The following SCLT1 variants were observed in gnomAD, a reference collection of about 807,000 sequenced individuals.
The protein encoded by SCLT1 is sodium channel and clathrin linker 1.
A neutral mutation model predicts 112.8 loss-of-function variants in SCLT1; 78 were observed. The ratio of observed to expected loss-of-function variants is 0.69; its 90% CI spans 0.58 to 0.83. The LOEUF is 0.83. Ranked by LOEUF, SCLT1 falls within the 40% of genes least tolerant of loss-of-function variation. The pLI is 0.00. For synonymous variants in SCLT1, 257 were observed against 254.7 expected, an observed-to-expected ratio of 1.01 and a Z score of -0.09; for missense variants, 747 against 770.4, an observed-to-expected ratio of 0.97 and a Z score of 0.36.
At chr4:128,931,169 G>T (rs1736728453) in intron 18 of SCLT1, among the ~76,000 whole-genome samples, 2 of 151,504 alleles carry the variant, frequency 1.3e-5, no homozygotes, top group South Asian at 4.2e-4. Flanking sequence ...TTTTTGGGGG[G>T]TTGGAAATTG....
At chr4:129,038,450 T>C (rs1337498308) in intron 5 of SCLT1, among the ~76,000 whole-genome samples, 1 of 152,196 alleles carries the variant, frequency 6.6e-6, no homozygotes, top group African/African-American at 2.4e-5. Flanking sequence ...GATGATACCG[T>C]TTTTATACAG....
At chr4:128,952,502 C>G (rs1000353384) in intron 14 of SCLT1, 5 of 543,754 alleles carry the variant, frequency 9.2e-6, no homozygotes, top group Admixed American at 4.7e-5. Flanking sequence ...ATGATAGGAG[C>G]TACAGCTAGC....
intron 1 of SCLT1, among the ~76,000 whole-genome samples, chr4:129,087,755 T>TAAAAAAAAAAAAAAAAAAAGGAAAAAA (rs1752518281): frequency 9.6e-6 from 1 of 104,464 alleles, no homozygotes; most frequent in African/African-American, 4.0e-5. Context: ...TTGCGCAAGT[T>TAAAAAAAAAAAAAAAAAAAGGAAAAAA]AAAAAAAAAA....
At chr4:128,955,924 T>A (rs1038753108) in intron 13 of SCLT1, among the ~76,000 whole-genome samples, 7 of 152,280 alleles carry the variant, frequency 4.6e-5, no homozygotes, top group African/African-American at 1.7e-4. Flanking sequence ...CCTGAGTGAA[T>A]AGCTGTAATG....
chr4:128,960,751 T>A (rs535380538), intron 11 of SCLT1, among the ~76,000 whole-genome samples: 1 of 150,242 alleles, frequency 6.7e-6, no homozygotes, highest in South Asian at 2.1e-4. Context: ...AAACCCCGTC[T>A]CTACTAAAAA....
chr4:129,011,399 T>C (rs559405992), intron 5 of SCLT1, among the ~76,000 whole-genome samples: 1 of 152,234 alleles, frequency 6.6e-6, no homozygotes, highest in South Asian at 2.1e-4. Context: ...GTATCTTTGT[T>C]AGGTTTTGGT....
intron 1 of SCLT1, among the ~76,000 whole-genome samples, chr4:129,085,070 A>C (rs1486651856): frequency 1.3e-5 from 2 of 152,250 alleles, no homozygotes; most frequent in African/African-American, 2.4e-5. Flanking sequence ...AACTATCCAC[A>C]GAGTGAACAG....
chr4:129,007,789 T>TA (rs1560956879), intron 5 of SCLT1, among the ~76,000 whole-genome samples: 1 of 152,146 alleles, frequency 6.6e-6, no homozygotes, highest in Non-Finnish European at 1.5e-5. Flanking sequence ...GTCTTGACTT[T>TA]AAAAAAACAA....
chr4:129,076,273 A>G (rs1751455962), intron 2 of SCLT1, among the ~76,000 whole-genome samples: 1 of 152,154 alleles, frequency 6.6e-6, no homozygotes, highest in East Asian at 1.9e-4. Flanking sequence ...TTGAATGAGT[A>G]TATTAATGTT....
At chr4:129,011,491 G>A (rs1232002065) in intron 5 of SCLT1, among the ~76,000 whole-genome samples, 2 of 152,086 alleles carry the variant, frequency 1.3e-5, no homozygotes, top group Non-Finnish European at 2.9e-5. Context: ...CCAGTACCAT[G>A]CTGTTTTGGT....
intron 9 of SCLT1, among the ~76,000 whole-genome samples, chr4:128,987,001 G>A (rs1742154310): frequency 4.6e-5 from 7 of 152,128 alleles, no homozygotes; most frequent in Admixed American, 4.6e-4. Context: ...TGGTTACCCA[G>A]GGAATTATCC....
intron 5 of SCLT1, among the ~76,000 whole-genome samples, chr4:129,018,687 C>T (rs777069179): frequency 2.0e-5 from 3 of 152,076 alleles, no homozygotes; most frequent in Non-Finnish European, 4.4e-5. Flanking sequence ...AAGACCTTGG[C>T]ATTATACCAA....
At chr4:128,939,469 G>C (rs763211334) in intron 17 of SCLT1, among the ~76,000 whole-genome samples, 1 of 152,100 alleles carries the variant, frequency 6.6e-6, no homozygotes, top group Non-Finnish European at 1.5e-5. Context: ...ACTGATCTCC[G>C]ATTACAAAAA....
At chr4:128,896,869 T>C (rs1371040725) in intron 18 of SCLT1, among the ~76,000 whole-genome samples, 2 of 152,142 alleles carry the variant, frequency 1.3e-5, no homozygotes, top group African/African-American at 4.8e-5. Context: ...GAGAACTACC[T>C]GACGAATGCA....
At chr4:129,026,927 A>G (rs1317138181) in intron 5 of SCLT1, among the ~76,000 whole-genome samples, 1 of 152,320 alleles carries the variant, frequency 6.6e-6, no homozygotes, top group East Asian at 1.9e-4. Context: ...AAACACCTCT[A>G]TGCAAATAAA....
intron 18 of SCLT1, among the ~76,000 whole-genome samples, chr4:128,918,039 A>T (rs1735602264): frequency 6.6e-6 from 1 of 152,186 alleles, no homozygotes; most frequent in South Asian, 2.1e-4. Flanking sequence ...CCACAGATAC[A>T]CCTCAAAATT....
chr4:129,042,740 GGCT>G (rs1747811842), intron 4 of SCLT1, among the ~76,000 whole-genome samples: 1 of 152,080 alleles, frequency 6.6e-6, no homozygotes, highest in Admixed American at 6.6e-5. Flanking sequence ...CGACCTCCCA[GGCT>G]GCTCAAGCAA....
chr4:129,081,080 T>C (rs1383379851), intron 2 of SCLT1, among the ~76,000 whole-genome samples: 3 of 152,170 alleles, frequency 2.0e-5, no homozygotes, highest in African/African-American at 7.2e-5. Flanking sequence ...ATCAAACATC[T>C]TGGCTCCTCC....
intron 2 of SCLT1, among the ~76,000 whole-genome samples, chr4:129,049,075 T>C (rs1748489435): frequency 6.6e-6 from 1 of 151,956 alleles, no homozygotes; most frequent in Admixed American, 6.6e-5. Context: ...AGTGTGGCGA[T>C]TCCTCAGGGA....
Sources: gnomAD v4.1 joint callset for allele counts (sites outside exome capture counted in the v4.1 genomes callset) on GRCh38, gnomAD v4.1.1 for gene constraint, MANE v1.5 for transcripts, NCBI Gene and HGNC (gene_info 2026-07-23, HGNC 2026-07-21) for gene names.